TTN: variants seen among roughly 807,000 people sequenced by gnomAD.
TTN encodes the protein titin.
A neutral mutation model predicts 3,223.0 loss-of-function variants in TTN; 1,525 were observed. That is an observed-to-expected ratio of 0.47 (90% CI 0.45 to 0.49). TTN has a LOEUF of 0.49. Ranked by LOEUF, TTN falls within the 20% of genes least tolerant of loss-of-function variation. The pLI is 0.00. For missense variants in TTN, 40,786 were observed against 43,424.0 expected, an observed-to-expected ratio of 0.94 and a Z score of 5.40; for synonymous variants, 14,094 against 15,161.0, an observed-to-expected ratio of 0.93 and a Z score of 5.17.
intron 47 of TTN, chr2:178,744,538 T>TAAAC: frequency 1.1e-6 from 1 of 882,738 alleles, no homozygotes; most frequent in Non-Finnish European, 1.4e-6. Flanking sequence ...TTTAGAAACA[T>TAAAC]AAACATCACA....
In TTN at chr2:178,578,174, C is replaced by T. The variant is rs760286642; in HGVS notation, c.68341G>A (p.Glu22781Lys). The change falls in exon 322 of 363, where the codon GAG becomes AAG. Residue 22781 changes from glutamate to lysine, a missense_variant. Coordinates refer to ENST00000589042, the MANE Select transcript of TTN (RefSeq NM_001267550.2). ...AAAAGGCTGTTTCTTTCCTTGAACT[C>T]GAGATGATACCCTACAAAAGACCCA... ...GGSPITGYHLEFKERNSLLWK... is the reference protein window; with the variant it reads ...GGSPITGYHLKFKERNSLLWK... The T allele has an allele frequency of 1.6e-5, 26 of 1,611,394 alleles. No homozygotes were observed. The highest frequency in any genetic ancestry group is 9.4e-5 in the African/African-American group (7 of 74,808).
Position 178,775,886 on chromosome 2 carries a change from T to A in TTN, c.5978A>T (p.Glu1993Val). Residue 1993 changes from glutamate (E) to valine (V), a missense_variant, in exon 28 of 363, where the codon GAG becomes GTG. Glu to Val is a moderately radical substitution (Grantham distance 121). Coordinates refer to ENST00000589042, the MANE Select transcript of TTN (RefSeq NM_001267550.2). ...GAATTTACTGCGCAGCTCTTCCGACTCTTCAGGCACTTTTTCATGGGTAAT... is the reference window on the plus strand; with the variant it reads ...GAATTTACTGCGCAGCTCTTCCGACACTTCAGGCACTTTTTCATGGGTAAT... ...ERITHEKVPE[E>V]SEELRSKFKR... The A allele has an allele frequency of 6.2e-7, 1 of 1,614,132 alleles. No homozygotes were observed. Among genetic ancestry groups the A allele is most frequent in the Non-Finnish European group, 8.5e-7 (1 of 1,179,998 alleles).
rs780102184 is a variant in TTN at position 178,572,329 on chromosome 2, A to G, written c.73803T>C (p.Ile24601=). The G allele has an allele frequency of 1.2e-6, 2 of 1,611,696 alleles. No individual in the cohort carries two copies. Among genetic ancestry groups the G allele is most frequent in the Admixed American group, 3.3e-5 (2 of 59,946 alleles). ...FRVLAENEYG[I]GLPAETAESV... is the part of the protein sequence containing the mutation. ...ATTCTGCGGTTTCAGCAGGCAGCCC[A>G]ATGCCATATTCATTTTCTGCGAGAA... The change falls in exon 326 of 363, where the codon ATT becomes ATC. Residue 24601 remains isoleucine, a synonymous_variant. Transcript: ENST00000589042.
rs2053327146 is a variant in TTN, at chr2:178,601,154, TAGGAGGATC to T, written c.55741_55749del (p.Asp18581_Pro18583del). The T allele has an allele frequency of 6.5e-7, 1 of 1,541,126 alleles. No homozygotes were observed. Among genetic ancestry groups the T allele is most frequent in the South Asian group, 1.3e-5 (1 of 76,990 alleles). On this transcript the variant is annotated inframe_deletion, in exon 288 of 363. Transcript: ENST00000589042. ...GTGATGAGGCCAATCTTGAGTTTAATAGGAGGATCAGGAGGATCTGTAAAAATAATTAAA... is the reference window on the plus strand; with the variant it reads ...GTGATGAGGCCAATCTTGAGTTTAATAGGAGGATCTGTAAAAATAATTAAA...
rs1365164180 is a variant in TTN, at chr2:178,717,088, C to T, written c.25639+7G>A. 3 of 1,604,702 alleles carry T rather than the reference C, an allele frequency of 1.9e-6. No individual in the cohort carries two copies. The highest frequency in any genetic ancestry group is 2.6e-6 in the Non-Finnish European group (3 of 1,173,576). On this transcript the variant is annotated splice_region_variant and intron_variant, in intron 88 of 362. Coordinates refer to ENST00000589042, the MANE Select transcript of TTN (RefSeq NM_001267550.2). ...AAGAGATCTTGCTCCTTCACTCTAA[C>T]AAGTACCTTGTACACCCAGCTGAGC...
Position 178,789,418 on chromosome 2 carries a change from A to G in TTN, c.2018T>C (p.Leu673Pro). ...TAKAKEQETI[L>P]RTRETMATRQ... Reference sequence around the variant, plus strand: ...AGTAGCCATAGTTTCTCTAGTTCTCAGTATTGTTTCTTGTTCTTTGGCTTT... The same window carrying G: ...AGTAGCCATAGTTTCTCTAGTTCTCGGTATTGTTTCTTGTTCTTTGGCTTT... Residue 673 changes from leucine to proline, a missense_variant, in exon 13 of 363, where the codon CTG (leucine) becomes CCG (proline). Leu to Pro is a moderately conservative substitution (Grantham distance 98). Coordinates refer to ENST00000589042, the MANE Select transcript of TTN (RefSeq NM_001267550.2). The G allele has an allele frequency of 6.2e-7, 1 of 1,613,520 alleles. No individual in the cohort carries two copies. Among genetic ancestry groups the G allele is most frequent in the South Asian group, 1.1e-5 (1 of 91,064 alleles).
Position 178,728,135 on chromosome 2 carries a change from T to C in TTN, c.19689A>G (p.Ala6563=), listed in dbSNP as rs760099971. Residue 6563 remains alanine, a synonymous_variant, in exon 67 of 363, where the codon GCA becomes GCG. Coordinates refer to ENST00000589042, the MANE Select transcript of TTN (RefSeq NM_001267550.2). ...CKVSNVAGDD[A]CSGILTVKEP... ...CTTTCACAGTTAAGATGCCACTGCA[T>C]GCATCATCTCCTGCTACATTTGACA... 1.3e-6 allele frequency: 2 copies of C among 1,596,732 alleles called. No homozygotes were observed. The highest frequency in any genetic ancestry group is 1.7e-6 in the Non-Finnish European group (2 of 1,170,518).
Position 178,583,131 on chromosome 2 carries a change from G to T in TTN, c.65672C>A (p.Pro21891Gln), listed in dbSNP as rs397517662. ...TTTTTTCCAAGAAACTGTTGGCATC[G>T]GTTTACCAAAAACAGTAGCATCCAA... ...VCLDATVFGK[P>Q]MPTVSWKKDG... The change falls in exon 313 of 363, where the codon CCG becomes CAG. Residue 21891 changes from proline to glutamine, a missense_variant. By Grantham distance (76) the Pro-to-Gln change is moderately conservative. Transcript: ENST00000589042. The T allele has an allele frequency of 1.2e-6, 2 of 1,612,138 alleles. No individual in the cohort carries two copies. Among genetic ancestry groups the T allele is most frequent in the Admixed American group, 3.3e-5 (2 of 59,898 alleles).
Position 178,571,638 on chromosome 2 carries a change from G to A in TTN, c.74494C>T (p.Pro24832Ser). Reference protein sequence around the residue: ...TADSITLSWGPPKYDGGSSIN... With the variant: ...TADSITLSWGSPKYDGGSSIN... ...GAACTTCCACCATCATACTTGGGTG[G>A]GCCCCAGGAAAGAGTAATACTATCA... The change falls in exon 326 of 363, where the codon CCA becomes TCA. Residue 24832 changes from proline (P) to serine (S), a missense_variant. Physicochemically the swap from Pro to Ser is moderately conservative, Grantham distance 74 (BLOSUM62 -1). Transcript: ENST00000589042. 1 of 1,613,232 alleles carries A rather than the reference G, an allele frequency of 6.2e-7. No individual in the cohort carries two copies. Among genetic ancestry groups the A allele is most frequent in the Non-Finnish European group, 8.5e-7 (1 of 1,179,554 alleles).
intron 129 of TTN, 120 bp downstream of exon 129, chr2:178,685,133 G>A: frequency 8.6e-7 from 1 of 1,162,674 alleles, no homozygotes; most frequent in Non-Finnish European, 1.2e-6. Flanking sequence ...TCATACATGT[G>A]TTCTGACAAA....
At position 178,651,184 on chromosome 2, in the gene TTN, A is replaced by T; in HGVS notation, c.39625+59T>A. ...ACTCGCAAACAAAAGGTTTGATAAT[A>T]GGTGACTTATTAGACAAGGGTGAGT... is the stretch of plus-strand genomic sequence containing the variant. On this transcript the variant is annotated intron_variant, in intron 208 of 362. Coordinates refer to ENST00000589042, the MANE Select transcript of TTN (RefSeq NM_001267550.2). The T allele has an allele frequency of 2.2e-6, 3 of 1,390,648 alleles. No homozygotes were observed. In the Admixed American group the frequency reaches 5.9e-5, roughly 27 times the overall value. The allele number at this position is 1,390,648 out of a possible 1,614,324, so 86.1% of individuals were successfully genotyped here.
Position 178,651,683 on chromosome 2 carries a change from T to A in TTN, c.39446A>T (p.Glu13149Val). The stretch of plus-strand genomic sequence containing the variant: ...AGGAATACCTTTCACTGGTGGTAGT[T>A]CAGGTTTTTTGGCAACGACAGCAGG... The part of the protein sequence containing the change: ...KAPAVVAKKP[E>V]LPPVKVPEVP... Residue 13149 changes from glutamate to valine, a missense_variant, in exon 206 of 363, where the codon GAA (glutamate) becomes GTA (valine). Physicochemically the swap from Glu to Val is moderately radical, Grantham distance 121. Coordinates refer to ENST00000589042, the MANE Select transcript of TTN (RefSeq NM_001267550.2). 6.2e-7 allele frequency: 1 copy of A among 1,613,370 alleles called. No individual in the cohort carries two copies. Among genetic ancestry groups the A allele is most frequent in the South Asian group, 1.1e-5 (1 of 91,048 alleles).
rs750278602 is a variant in TTN at position 178,777,937 on chromosome 2, C to A, written c.4247G>T (p.Arg1416Leu). The A allele has an allele frequency of 6.2e-7, 1 of 1,613,940 alleles. No homozygotes were observed. Among genetic ancestry groups the A allele is most frequent in the East Asian group, 2.2e-5 (1 of 44,842 alleles). The change falls in exon 25 of 363, where the codon CGC (arginine) becomes CTC (leucine). Residue 1416 changes from arginine to leucine, a missense_variant. Arg to Leu is a moderately radical substitution (Grantham distance 102). Transcript: ENST00000589042. ...AGGTGACATCCGTGCAGGAGACATG[C>A]GTATAGGAGACCTGCTCACTGAACG... ...SPRSVSRSPI[R>L]MSPARMSPAR... is the part of the protein sequence containing the mutation.
At position 178,683,200 on chromosome 2, in the gene TTN, G is replaced by C. The variant is rs1434678375; in HGVS notation, c.32887+11C>G. Reference sequence around the variant, plus strand: ...TCATGCCTCACATTACTTAATCAAAGTTCAATATACCTTTGATGGGTTGAG... The same window carrying C: ...TCATGCCTCACATTACTTAATCAAACTTCAATATACCTTTGATGGGTTGAG... On this transcript the variant is annotated intron_variant, in intron 134 of 362. Transcript: ENST00000589042. The C allele has an allele frequency of 3.9e-6, 6 of 1,535,858 alleles. No homozygotes were observed. Among genetic ancestry groups the C allele is most frequent in the Non-Finnish European group, 5.3e-6 (6 of 1,131,812 alleles).
rs1174482047 is a variant in TTN, at chr2:178,621,948, T to G, written c.44974A>C (p.Lys14992Gln). 6.2e-7 allele frequency: 1 copy of G among 1,611,694 alleles called. No individual in the cohort carries two copies. Among genetic ancestry groups the G allele is most frequent in the Admixed American group, 1.7e-5 (1 of 59,744 alleles). The stretch of plus-strand genomic sequence containing the variant: ...ATGACAAGAATGCGCACTGCTCCCT[T>G]GGATATGATGTCATATTTTTTGCCC... ...KKGKKYDIIS[K>Q]GAVRILVINK... The change falls in exon 244 of 363, where the codon AAG becomes CAG. Residue 14992 changes from lysine (K) to glutamine (Q), a missense_variant. Transcript: ENST00000589042.
chr2:178,748,842 T>C, intron 47 of TTN: 1 of 1,612,298 alleles, frequency 6.2e-7, no homozygotes, highest in South Asian at 1.1e-5. Flanking sequence ...GATTCAGTAT[T>C]TGGAGACATT....
At chr2:178,643,418 T>C (rs1229973567) in intron 218 of TTN, among the ~76,000 whole-genome samples, 1 of 151,956 alleles carries the variant, frequency 6.6e-6, no homozygotes, top group Middle Eastern at 3.2e-3. Context: ...TTACGTATTT[T>C]ATCCAGGATA....
chr2:178,675,017 A>AT (rs2067730666), intron 150 of TTN, 22 bp downstream of exon 150: 5 of 1,435,170 alleles, frequency 3.5e-6, no homozygotes, highest in Admixed American at 2.6e-5. Flanking sequence ...TTGAAATGTT[A>AT]TTTTCTTAGA....
At position 178,714,986 on chromosome 2, in the gene TTN, C is replaced by T. The variant is rs727503646; in HGVS notation, c.26200G>A (p.Ala8734Thr). Residue 8734 changes from alanine (A) to threonine (T), a missense_variant and splice_region_variant, in exon 90 of 363, where the codon GCA becomes ACA. Coordinates refer to ENST00000589042, the MANE Select transcript of TTN (RefSeq NM_001267550.2). The part of the protein sequence containing the change: ...DTCVGSIALK[A>T]PPRFVKKLSD... Reference sequence around the variant, plus strand: ...CAGAAGTGAATGCAGTCCATCTAACCTTTGAGAGCGATGGAACCAACGCAA... The same window carrying T: ...CAGAAGTGAATGCAGTCCATCTAACTTTTGAGAGCGATGGAACCAACGCAA... The T allele has an allele frequency of 3.5e-5, 56 of 1,604,034 alleles. No homozygotes were observed. Among genetic ancestry groups the T allele is most frequent in the Non-Finnish European group, 4.6e-5 (54 of 1,174,714 alleles).
Sources: gnomAD v4.1 joint callset for allele counts (sites outside exome capture counted in the v4.1 genomes callset) on GRCh38, gnomAD v4.1.1 for gene constraint, MANE v1.5 for transcripts, NCBI Gene and HGNC (gene_info 2026-07-23, HGNC 2026-07-21) for gene names.